The following ZNF423 variants were observed in gnomAD, a reference collection of about 807,000 sequenced individuals.
The protein encoded by ZNF423 is Ebf-associated zinc finger protein.
Under a neutral mutation model 95.8 loss-of-function variants are expected in ZNF423, and 12 were observed. That is an observed-to-expected ratio of 0.13 (90% CI 0.08 to 0.20). The LOEUF is 0.20. ZNF423 is among the 10% of genes least tolerant of loss of function. The pLI, the probability that ZNF423 is intolerant of heterozygous loss-of-function variation, is 1.00. For synonymous variants in ZNF423, 749 were observed against 711.9 expected (o/e 1.05, Z -0.83); for missense variants, 1,316 against 1,737.1 (o/e 0.76, Z 4.31).
At chr16:49,684,433 G>A (rs2031485534) in intron 3 of ZNF423, among the ~76,000 whole-genome samples, 1 of 152,224 alleles carries the variant, frequency 6.6e-6, no homozygotes, top group Non-Finnish European at 1.5e-5. Flanking sequence ...TCTTGAGGAT[G>A]TCCATGCCAT....
At chr16:49,523,360 A>G (rs768447036) in intron 7 of ZNF423, among the ~76,000 whole-genome samples, 4 of 152,262 alleles carry the variant, frequency 2.6e-5, no homozygotes, top group Non-Finnish European at 5.9e-5. Flanking sequence ...CCAAGAGCAG[A>G]CAGGACTTGC....
intron 7 of ZNF423, among the ~76,000 whole-genome samples, chr16:49,508,150 G>A (rs1229651975): frequency 6.6e-6 from 1 of 152,108 alleles, no homozygotes; most frequent in Non-Finnish European, 1.5e-5. Flanking sequence ...ATGCCTACCA[G>A]TGCTAAGAAC....
chr16:49,826,428 G>A (rs565915436), intron 1 of ZNF423, among the ~76,000 whole-genome samples: 1 of 152,182 alleles, frequency 6.6e-6, no homozygotes, highest in Non-Finnish European at 1.5e-5. Context: ...GAACAAGTCA[G>A]GCTGGATTGA....
At chr16:49,545,523 G>A (rs529177738) in intron 5 of ZNF423, among the ~76,000 whole-genome samples, 2 of 152,270 alleles carry the variant, frequency 1.3e-5, no homozygotes, top group African/African-American at 4.8e-5. Context: ...GCCAGCCAGG[G>A]TGACCCCCCA....
intron 5 of ZNF423, among the ~76,000 whole-genome samples, chr16:49,552,753 C>T (rs989501024): frequency 2.0e-5 from 3 of 152,084 alleles, no homozygotes; most frequent in Non-Finnish European, 4.4e-5. Flanking sequence ...GCAAAAACCT[C>T]ACACAGGGTC....
Position 49,684,938 on chromosome 16 carries a change from G to A in ZNF423, c.301+45833C>T, listed in dbSNP as rs76967612. Among the ~76,000 whole-genome samples, 665 of 152,324 alleles carry A rather than the reference G, an allele frequency of 4.4e-3. 8 individuals are homozygous for A. Among genetic ancestry groups the A allele is most frequent in the African/African-American group, 0.014 (565 of 41,570 alleles). ...TTTCCACGCAATCTAGACAGCGGGC[G>A]GAATCTACAGCCCAGAAAGGCAGGG... On this transcript the variant is annotated intron_variant, in intron 3 of 7. Coordinates refer to ENST00000563137, the MANE Select transcript of ZNF423 (RefSeq NM_001379286.1).
chr16:49,667,872 T>G (rs185382191), intron 3 of ZNF423, among the ~76,000 whole-genome samples: 42 of 152,126 alleles, frequency 2.8e-4, no homozygotes, highest in African/African-American at 9.4e-4. Context: ...GGCAACAGAG[T>G]GAGACCCTGT....
At position 49,668,772 on chromosome 16, in the gene ZNF423, G is replaced by GAAGGAGGGGTGGGCAGGGAGGT. The variant is rs1350041724; in HGVS notation, c.302-29920_302-29899dup. On this transcript the variant is annotated intron_variant, in intron 3 of 7. Transcript: ENST00000563137. Reference sequence around the variant, plus strand: ...CCAGTAAGCACCAGGCCCCCAGGAGGAAGGAGGGGTGGGCAGGGAGGTAAG... The same window carrying GAAGGAGGGGTGGGCAGGGAGGT: ...CCAGTAAGCACCAGGCCCCCAGGAGGAAGGAGGGGTGGGCAGGGAGGTAAGGAGGGGTGGGCAGGGAGGTAAG... Among the ~76,000 whole-genome samples the GAAGGAGGGGTGGGCAGGGAGGT allele has an allele frequency of 2.0e-5, 3 of 152,206 alleles. No individual in the cohort carries two copies. In the East Asian group the frequency reaches 5.8e-4, roughly 29 times the overall value.
rs1966873109 is a variant in ZNF423 at position 49,488,181 on chromosome 16, C to T, written c.*3094G>A. The stretch of plus-strand genomic sequence containing the variant: ...GGTACAGGTTCCATCCCTAGGAACA[C>T]ACACCTTAGGAGGGAAGAAAAACAG... On this transcript the variant is annotated 3_prime_UTR_variant, in exon 8 of 8. Coordinates refer to ENST00000563137, the MANE Select transcript of ZNF423 (RefSeq NM_001379286.1). The T allele has an allele frequency of 6.6e-6, 1 of 152,238 alleles. No individual in the cohort carries two copies. Among genetic ancestry groups the T allele is most frequent in the African/African-American group, 2.4e-5 (1 of 41,446 alleles). 9.4% of individuals were successfully genotyped at this position (152,238 alleles called of 1,614,324 possible).
intron 5 of ZNF423, among the ~76,000 whole-genome samples, chr16:49,611,379 T>C (rs552387789): frequency 6.6e-6 from 1 of 152,048 alleles, no homozygotes; most frequent in South Asian, 2.1e-4. Flanking sequence ...ATAGAAACTA[T>C]ACGACGTACC....
At chr16:49,856,892 G>A (rs1242912110), upstream of ZNF423, among the ~76,000 whole-genome samples, 1 of 142,492 alleles carries the variant, frequency 7.0e-6, no homozygotes, top group Admixed American at 6.9e-5. Flanking sequence ...GGCGGCGGCC[G>A]CGGTGGCGGA....
At chr16:49,557,660 G>A (rs369816590) in intron 5 of ZNF423, among the ~76,000 whole-genome samples, 1 of 152,158 alleles carries the variant, frequency 6.6e-6, no homozygotes, top group Non-Finnish European at 1.5e-5. Flanking sequence ...GTGATGGGGC[G>A]GTTTGGGTGG....
At chr16:49,716,767 G>A (rs899374127) in intron 3 of ZNF423, among the ~76,000 whole-genome samples, 18 of 152,300 alleles carry the variant, frequency 1.2e-4, no homozygotes, top group Admixed American at 9.1e-4. Context: ...TGAGCCACTA[G>A]GCCAGTGGGC....
intron 5 of ZNF423, among the ~76,000 whole-genome samples, chr16:49,546,178 A>T (rs1969430686): frequency 6.6e-6 from 1 of 152,198 alleles, no homozygotes; most frequent in Non-Finnish European, 1.5e-5. Context: ...TTTAATGATC[A>T]AGCACATTGC....
In ZNF423 at chr16:49,567,741, T is replaced by G. The variant is rs79217133; in HGVS notation, c.3602-42247A>C. On this transcript the variant is annotated intron_variant, in intron 5 of 7. Transcript: ENST00000563137. ...GAGGCTAGGGCCTCCTCTGCCCATG[T>G]GGCCTCCACCAGGTGTGGCCATTCC... is the stretch of plus-strand genomic sequence containing the variant. Among the ~76,000 whole-genome samples the G allele has an allele frequency of 2.6e-5, 4 of 152,342 alleles. No individual in the cohort carries two copies. In the East Asian group the frequency reaches 5.8e-4, roughly 22 times the overall value.
chr16:49,639,143 C>G (rs1052917170), intron 3 of ZNF423, among the ~76,000 whole-genome samples: 1 of 152,164 alleles, frequency 6.6e-6, no homozygotes, highest in Non-Finnish European at 1.5e-5. Context: ...CATGATACCC[C>G]CCATCAGAGG....
Position 49,637,751 on chromosome 16 carries a change from A to G in ZNF423, c.1425T>C (p.His475=), listed in dbSNP as rs1300087694. 1.9e-6 allele frequency: 3 copies of G among 1,614,124 alleles called. No individual in the cohort carries two copies. Among genetic ancestry groups the G allele is most frequent in the Non-Finnish European group, 2.5e-6 (3 of 1,180,030 alleles). ...TGCCAAACTGCATCACAGGGTAGGCATGGTTCTTGTGCAGCTTGCGAACGT... is the reference window on the plus strand; with the variant it reads ...TGCCAAACTGCATCACAGGGTAGGCGTGGTTCTTGTGCAGCTTGCGAACGT... ...NEHVRKLHKN[H]AYPVMQFGNI... is the part of the protein sequence containing the mutation. The change falls in exon 4 of 8, where the codon CAT becomes CAC. Residue 475 remains histidine (H), a synonymous_variant. Coordinates refer to ENST00000563137, the MANE Select transcript of ZNF423 (RefSeq NM_001379286.1). This position sits in a 1 kb window ranked among gnomAD's most constrained non-coding sequence, Gnocchi z 5.6.
chr16:49,777,598 C>T (rs1372001809), intron 2 of ZNF423, among the ~76,000 whole-genome samples: 2 of 152,216 alleles, frequency 1.3e-5, no homozygotes, highest in Admixed American at 1.3e-4. Context: ...TTAGGGATTA[C>T]AGCACATTCT....
intron 3 of ZNF423, among the ~76,000 whole-genome samples, chr16:49,677,324 AGGGGAGGGGAGGGGAGGG>A (rs2031140978): frequency 2.6e-5 from 1 of 39,154 alleles, no homozygotes; most frequent in African/African-American, 1.2e-4. Flanking sequence ...AGGGGAAGGG[AGGGGAGGGGAGGGGAGGG>A]GAGGAGGGGA....
Sources: gnomAD v4.1 joint callset for allele counts (sites outside exome capture counted in the v4.1 genomes callset) on GRCh38, gnomAD v4.1.1 for gene constraint, Gnocchi (gnomAD v3.1) non-coding constraint, MANE v1.5 for transcripts, NCBI Gene and HGNC (gene_info 2026-07-23, HGNC 2026-07-21) for gene names.